The following FARS2 variants were observed in gnomAD, a reference collection of about 807,000 sequenced individuals.
FARS2 encodes phenylalanine--tRNA ligase, mitochondrial.
FARS2 carries 40 observed loss-of-function variants against 46.4 expected under a neutral mutation model. The ratio of observed to expected loss-of-function variants is 0.86; its 90% CI spans 0.67 to 1.12. The LOEUF is 1.12. Among genes scored for constraint, FARS2 ranks in the 50% most tolerant of loss-of-function variants. The pLI is 0.00. For synonymous variants in FARS2, 234 were observed against 214.9 expected, an observed-to-expected ratio of 1.09 and a Z score of -0.78; for missense variants, 513 against 567.9, an observed-to-expected ratio of 0.90 and a Z score of 0.98.
intron 6 of FARS2, among the ~76,000 whole-genome samples, chr6:5,682,245 A>G (rs961928076): frequency 6.6e-6 from 1 of 152,264 alleles, no homozygotes; most frequent in Non-Finnish European, 1.5e-5. Context: ...TAATATCTAT[A>G]TATAGTTACA....
chr6:5,475,670 A>G (rs1417704194), intron 4 of FARS2, among the ~76,000 whole-genome samples: 2 of 152,048 alleles, frequency 1.3e-5, no homozygotes, highest in African/African-American at 2.4e-5. Context: ...CTGTAGTCAC[A>G]CTGTTTACTG....
In FARS2 at chr6:5,670,483, CTG is replaced by C. The variant is rs1376092528; in HGVS notation, c.1217+57164_1217+57165del. Among the ~76,000 whole-genome samples, 6 of 152,244 alleles carry C rather than the reference CTG, an allele frequency of 3.9e-5. No individual in the cohort carries two copies. In the East Asian group the frequency reaches 1.2e-3, roughly 29 times the overall value. On this transcript the variant is annotated intron_variant, in intron 6 of 6. Coordinates refer to ENST00000274680, the MANE Select transcript of FARS2 (RefSeq NM_006567.5). The stretch of plus-strand genomic sequence containing the variant: ...TATGCTTATAGTACTTGGCCCACAA[CTG>C]ATGCACAATGGATCACGAGGGGTGA...
chr6:5,682,814 C>T (rs910207334), intron 6 of FARS2, among the ~76,000 whole-genome samples: 1 of 152,188 alleles, frequency 6.6e-6, no homozygotes, highest in African/African-American at 2.4e-5. Flanking sequence ...CAAGTAGTGA[C>T]ACCCGCAGTG....
chr6:5,304,461 A>G (rs560578398), intron 1 of FARS2, among the ~76,000 whole-genome samples: 4 of 152,354 alleles, frequency 2.6e-5, no homozygotes, highest in Admixed American at 2.6e-4. Flanking sequence ...AGTCTCAGAC[A>G]TGGCATTACT....
In FARS2 at chr6:5,613,172, C is replaced by T. The variant is rs370983000; in HGVS notation, c.1069C>T (p.Leu357Phe). 2.1e-4 allele frequency: 335 copies of T among 1,611,726 alleles called. No homozygotes were observed. Among genetic ancestry groups the T allele is most frequent in the Non-Finnish European group, 2.7e-4 (322 of 1,179,118 alleles). Residue 357 changes from leucine (L) to phenylalanine (F), a missense_variant, in exon 6 of 7, where the codon CTT becomes TTT. Transcript: ENST00000274680. ...TTTTCTCCTCTTGTTTTGTTAGCCTCTTAGCAAATATCCGGCTGTGATCAA... is the reference window on the plus strand; with the variant it reads ...TTTTCTCCTCTTGTTTTGTTAGCCTTTTAGCAAATATCCGGCTGTGATCAA... ...NINQKVKFQP[L>F]SKYPAVINDI... is the part of the protein sequence containing the mutation.
intron 5 of FARS2, among the ~76,000 whole-genome samples, chr6:5,586,105 C>G (rs557805880): frequency 6.6e-6 from 1 of 152,102 alleles, no homozygotes; most frequent in African/African-American, 2.4e-5. Context: ...TCTATTAGTT[C>G]TAACAGATTT....
At chr6:5,571,851 C>T (rs1375763846) in intron 5 of FARS2, among the ~76,000 whole-genome samples, 1 of 152,090 alleles carries the variant, frequency 6.6e-6, no homozygotes, top group Admixed American at 6.6e-5. Context: ...CTCTTTACCC[C>T]CATCTGTTCC....
At chr6:5,274,780 G>T (rs1388995508) in intron 1 of FARS2, among the ~76,000 whole-genome samples, 1 of 152,034 alleles carries the variant, frequency 6.6e-6, no homozygotes, top group Non-Finnish European at 1.5e-5. Context: ...GCACAGTCAT[G>T]GCTCACTGCA....
At chr6:5,284,410 C>G (rs966816499) in intron 1 of FARS2, among the ~76,000 whole-genome samples, 1 of 152,070 alleles carries the variant, frequency 6.6e-6, no homozygotes, top group Admixed American at 6.5e-5. Flanking sequence ...GTTTCTCTTT[C>G]GATCGTAGGA....
chr6:5,285,615 A>G (rs896387243), intron 1 of FARS2, among the ~76,000 whole-genome samples: 2 of 152,182 alleles, frequency 1.3e-5, no homozygotes, highest in Non-Finnish European at 2.9e-5. Context: ...TTCTCTCTTC[A>G]GGCAAGACTG....
At chr6:5,620,026 A>G (rs1224194466) in intron 6 of FARS2, among the ~76,000 whole-genome samples, 1 of 152,040 alleles carries the variant, frequency 6.6e-6, no homozygotes, top group African/African-American at 2.4e-5. Context: ...GCCCTTACAT[A>G]GAGAAGTTGG....
chr6:5,423,723 G>T (rs1268727353), intron 3 of FARS2, among the ~76,000 whole-genome samples: 2 of 152,080 alleles, frequency 1.3e-5, no homozygotes, highest in South Asian at 4.1e-4. Context: ...TAGTAGGAAT[G>T]GTTTTATTCC....
intron 5 of FARS2, among the ~76,000 whole-genome samples, chr6:5,576,312 C>T (rs1043608343): frequency 1.3e-5 from 2 of 152,026 alleles, no homozygotes; most frequent in Admixed American, 1.3e-4. Flanking sequence ...AACTAATCAG[C>T]TGCCAGCATG....
In FARS2 at chr6:5,630,867, T is replaced by C. The variant is rs184178494; in HGVS notation, c.1217+17547T>C. Among the ~76,000 whole-genome samples, 2 of 152,332 alleles carry C rather than the reference T, an allele frequency of 1.3e-5. No individual in the cohort carries two copies. The highest frequency in any genetic ancestry group is 1.3e-4 in the Admixed American group (2 of 15,292). On this transcript the variant is annotated intron_variant, in intron 6 of 6. Coordinates refer to ENST00000274680, the MANE Select transcript of FARS2 (RefSeq NM_006567.5). This position sits in a 1 kb window ranked among gnomAD's most constrained non-coding sequence, Gnocchi z 4.2. ...GCATGCAAATTAAGACCTGAAAATATGAATGGAGTCTGAGCGATGCTTTGA... is the reference window on the plus strand; with the variant it reads ...GCATGCAAATTAAGACCTGAAAATACGAATGGAGTCTGAGCGATGCTTTGA...
chr6:5,629,036 C>G (rs1372797611), intron 6 of FARS2, among the ~76,000 whole-genome samples: 2 of 152,172 alleles, frequency 1.3e-5, no homozygotes, highest in African/African-American at 4.8e-5. Context: ...CTGAAAATGG[C>G]TTTTTTCCTT....
At chr6:5,337,742 T>C (rs1179668968) in intron 1 of FARS2, among the ~76,000 whole-genome samples, 3 of 152,186 alleles carry the variant, frequency 2.0e-5, no homozygotes, top group African/African-American at 4.8e-5. Context: ...AAACAGTATG[T>C]TGGTTTCTTC....
At chr6:5,674,682 G>A (rs1778666787) in intron 6 of FARS2, among the ~76,000 whole-genome samples, 1 of 152,160 alleles carries the variant, frequency 6.6e-6, no homozygotes, top group African/African-American at 2.4e-5. Context: ...TCTTGAGGGG[G>A]TGGATGGAGG....
At chr6:5,273,295 A>C (rs1051343646) in intron 1 of FARS2, among the ~76,000 whole-genome samples, 1 of 152,228 alleles carries the variant, frequency 6.6e-6, no homozygotes, top group Non-Finnish European at 1.5e-5. Flanking sequence ...AACAGTTTAC[A>C]GGGGTTCCCC....
chr6:5,557,006 C>G (rs1475593182), intron 5 of FARS2, among the ~76,000 whole-genome samples: 4 of 152,068 alleles, frequency 2.6e-5, no homozygotes, highest in African/African-American at 9.7e-5. Context: ...CTAAACTGTA[C>G]ATTTAATAGT....
Sources: allele counts gnomAD v4.1 joint callset (sites outside exome capture counted in the v4.1 genomes callset), GRCh38; gene constraint gnomAD v4.1.1; non-coding constraint Gnocchi (gnomAD v3.1); transcripts MANE v1.5; gene names NCBI Gene and HGNC (gene_info 2026-07-23, HGNC 2026-07-21).